The following PTPRJ variants were observed in gnomAD, a reference collection of about 807,000 sequenced individuals.
PTPRJ encodes the protein protein tyrosine phosphatase receptor type J, also known as receptor-type tyrosine-protein phosphatase eta.
A neutral mutation model predicts 141.3 loss-of-function variants in PTPRJ; 129 were observed. The observed-to-expected ratio is 0.91, with a 90% CI of 0.79 to 1.06. The LOEUF (loss-of-function observed/expected upper bound fraction) is 1.06, where lower values mean the gene tolerates loss of function less well. Ranked by LOEUF, PTPRJ falls within the 50% of genes least tolerant of loss-of-function variation. The pLI, the probability that PTPRJ is intolerant of heterozygous loss-of-function variation, is 0.00. For missense variants in PTPRJ, 1,601 were observed against 1,679.7 expected, an observed-to-expected ratio of 0.95 and a Z score of 0.82; for synonymous variants, 610 against 640.5, an observed-to-expected ratio of 0.95 and a Z score of 0.72.
At chr11:48,072,862 A>G (rs1227800150) in intron 1 of PTPRJ, among the ~76,000 whole-genome samples, 1 of 152,190 alleles carries the variant, frequency 6.6e-6, no homozygotes, top group Non-Finnish European at 1.5e-5. Flanking sequence ...AGCCCATTAA[A>G]ACCCCATGGT....
chr11:48,076,615 C>A (rs1472681), intron 1 of PTPRJ, among the ~76,000 whole-genome samples: 97,524 of 151,548 alleles, frequency 0.64, 33,487 homozygotes, highest in South Asian at 0.8. Context: ...CCAGCTCAGA[C>A]ATACTTGCCA....
intron 1 of PTPRJ, among the ~76,000 whole-genome samples, chr11:48,082,420 T>G (rs1855585320): frequency 2.0e-5 from 3 of 149,938 alleles, no homozygotes; most frequent in Admixed American, 6.6e-5. Context: ...ATTTTTTTTT[T>G]TTTTTTTTTT....
chr11:48,163,567 G>T lies in PTPRJ; in HGVS notation c.3668G>T (p.Arg1223Leu), dbSNP rs144070412. ...DLLINFRYLV[R>L]DYMKQSPPES... ...CTCATCAACTTCCGGTACCTCGTTC[G>T]TGACTACATGAAGCAGAGTCCTCCC... The change falls in exon 23 of 25, where the codon CGT (arginine) becomes CTT (leucine). Residue 1223 changes from arginine to leucine, a missense_variant. Coordinates refer to ENST00000418331, the MANE Select transcript of PTPRJ (RefSeq NM_002843.4). 2.0e-5 allele frequency: 33 copies of T among 1,613,910 alleles called. No homozygotes were observed. Among genetic ancestry groups the T allele is most frequent in the African/African-American group, 4.0e-5 (3 of 74,928 alleles).
intron 1 of PTPRJ, among the ~76,000 whole-genome samples, chr11:48,068,903 T>A (rs1482247241): frequency 6.6e-6 from 1 of 152,172 alleles, no homozygotes; most frequent in African/African-American, 2.4e-5. Context: ...GAAACTGCCT[T>A]TGCACACAGC....
intron 1 of PTPRJ, among the ~76,000 whole-genome samples, chr11:48,095,780 C>T (rs1056804988): frequency 6.6e-6 from 1 of 152,092 alleles, no homozygotes; most frequent in Non-Finnish European, 1.5e-5. Context: ...AGGGTTTTGC[C>T]ATGTTGGCCA....
At chr11:48,010,131 A>G (rs1279395389) in intron 1 of PTPRJ, among the ~76,000 whole-genome samples, 1 of 152,196 alleles carries the variant, frequency 6.6e-6, no homozygotes, top group African/African-American at 2.4e-5. Context: ...CTCCAAGGAC[A>G]TCGTGCCACA....
intron 1 of PTPRJ, among the ~76,000 whole-genome samples, chr11:48,084,158 T>C (rs1281313163): frequency 6.6e-6 from 1 of 152,092 alleles, no homozygotes; most frequent in Non-Finnish European, 1.5e-5. Flanking sequence ...TCTAGTTTTT[T>C]GTTGTTGTTG....
At chr11:48,108,712 G>A (rs1053305084) in intron 1 of PTPRJ, among the ~76,000 whole-genome samples, 22 of 152,120 alleles carry the variant, frequency 1.4e-4, no homozygotes, top group African/African-American at 5.3e-4. Flanking sequence ...ACTGTGGATT[G>A]AGGCTCAGCC....
Position 48,125,023 on chromosome 11 carries a change from T to C in PTPRJ, c.930T>C (p.Asp310=). 6.2e-7 allele frequency: 1 copy of C among 1,614,156 alleles called. No homozygotes were observed. The change falls in exon 6 of 25, where the codon GAT becomes GAC. Residue 310 remains aspartate (D), a synonymous_variant. Transcript: ENST00000418331. Reference sequence around the variant, plus strand: ...GGAGCCCCACCGCCCCTGTGCATGATGAGTCCCTCGTGGGACCTGTGGACC... The same window carrying C: ...GGAGCCCCACCGCCCCTGTGCATGACGAGTCCCTCGTGGGACCTGTGGACC... The part of the protein sequence containing the change: ...RAGSPTAPVH[D]ESLVGPVDPS...
chr11:48,106,690 G>A (rs554745513), intron 1 of PTPRJ, among the ~76,000 whole-genome samples: 1 of 151,638 alleles, frequency 6.6e-6, no homozygotes, highest in South Asian at 2.1e-4. Flanking sequence ...AGAAGTTTTA[G>A]GTGTAAATGC....
chr11:48,024,358 C>T (rs1405122120), intron 1 of PTPRJ, among the ~76,000 whole-genome samples: 2 of 152,008 alleles, frequency 1.3e-5, no homozygotes, highest in East Asian at 1.9e-4. Flanking sequence ...CCACCACAGC[C>T]GGCTAATTTT....
At chr11:48,130,750 G>A (rs1448051115) in intron 8 of PTPRJ, 34 bp downstream of exon 8, 1 of 1,534,052 alleles carries the variant, frequency 6.5e-7, no homozygotes, top group Admixed American at 1.9e-5. Context: ...AAACCATCAT[G>A]TTTCTTAAAG....
In PTPRJ at chr11:48,127,955, A is replaced by C; in HGVS notation, c.1269A>C (p.Gly423=). 6.2e-7 allele frequency: 1 copy of C among 1,613,968 alleles called. No individual in the cohort carries two copies. The highest frequency in any genetic ancestry group is 8.5e-7 in the Non-Finnish European group (1 of 1,180,000). The change falls in exon 7 of 25, where the codon GGA becomes GGC. Residue 423 remains glycine (G), a synonymous_variant. Transcript: ENST00000418331. ...GTGAGCCTCGCGCTGTCATCCCCGG[A>C]CTCCGCTCCAGCACCTTCTACAACA... is the stretch of plus-strand genomic sequence containing the variant. ...NVSEPRAVIP[G]LRSSTFYNIT...
At chr11:48,078,988 A>G (rs1485265043) in intron 1 of PTPRJ, among the ~76,000 whole-genome samples, 1 of 151,972 alleles carries the variant, frequency 6.6e-6, no homozygotes, top group Non-Finnish European at 1.5e-5. Flanking sequence ...CCAGGTGTAG[A>G]CCAACCAGGG....
At chr11:48,009,204 C>T (rs1394223419) in intron 1 of PTPRJ, among the ~76,000 whole-genome samples, 1 of 152,298 alleles carries the variant, frequency 6.6e-6, no homozygotes, top group Non-Finnish European at 1.5e-5. Context: ...ACTATGCAGT[C>T]ATTACCAACG....
At chr11:48,146,582 T>A (rs1376251561) in intron 14 of PTPRJ, among the ~76,000 whole-genome samples, 3 of 152,194 alleles carry the variant, frequency 2.0e-5, no homozygotes. Context: ...CCCAGTTCCC[T>A]AAATTTGCAG....
intron 1 of PTPRJ, 124 bp from the exon 2 acceptor site, chr11:48,109,934 C>G (rs528924300): frequency 9.3e-7 from 1 of 1,075,802 alleles, no homozygotes; most frequent in South Asian, 1.3e-5. Context: ...GACCAGCAGA[C>G]CTTTGCTTAA....
chr11:48,129,712 C>G (rs1403042272), intron 7 of PTPRJ, among the ~76,000 whole-genome samples: 1 of 152,156 alleles, frequency 6.6e-6, no homozygotes, highest in Non-Finnish European at 1.5e-5. Flanking sequence ...GAAGTCTCTG[C>G]TGTAGTTGCG....
At chr11:48,118,624 T>C (rs1856626225) in intron 3 of PTPRJ, among the ~76,000 whole-genome samples, 1 of 152,182 alleles carries the variant, frequency 6.6e-6, no homozygotes, top group South Asian at 2.1e-4. Flanking sequence ...GGATTCTTCC[T>C]AGAAATACAA....
Sources: gnomAD v4.1 joint callset for allele counts (sites outside exome capture counted in the v4.1 genomes callset) on GRCh38, gnomAD v4.1.1 for gene constraint, MANE v1.5 for transcripts, NCBI Gene and HGNC (gene_info 2026-07-23, HGNC 2026-07-21) for gene names.